Variants in TBC1D1 observed in about 807,000 individuals in gnomAD.
TBC1D1 encodes TBC1 domain family member 1.
A neutral mutation model predicts 125.6 loss-of-function variants in TBC1D1; 89 were observed. That is an observed-to-expected ratio of 0.71 (90% CI 0.60 to 0.85). The LOEUF is 0.85. TBC1D1 is among the 40% of genes least tolerant of loss of function. The pLI, the probability that TBC1D1 is intolerant of heterozygous loss-of-function variation, is 0.00. For missense variants in TBC1D1, 1,377 were observed against 1,469.2 expected, an observed-to-expected ratio of 0.94 and a Z score of 1.03; for synonymous variants, 565 against 564.1, an observed-to-expected ratio of 1.00 and a Z score of -0.02.
chr4:38,126,668 A>G (rs1036089823), intron 18 of TBC1D1, among the ~76,000 whole-genome samples: 2 of 152,176 alleles, frequency 1.3e-5, no homozygotes, highest in Non-Finnish European at 2.9e-5. Flanking sequence ...TGATGTGGAT[A>G]GCTTTGGCTT....
At chr4:37,910,081 C>CACAA (rs1478499067) in intron 2 of TBC1D1, among the ~76,000 whole-genome samples, 2 of 152,196 alleles carry the variant, frequency 1.3e-5, no homozygotes, top group East Asian at 3.8e-4. Flanking sequence ...AAGCATACAC[C>CACAA]TTGTGATAGA....
intron 12 of TBC1D1, among the ~76,000 whole-genome samples, chr4:38,079,124 G>C (rs1756108610): frequency 6.6e-6 from 1 of 152,120 alleles, no homozygotes; most frequent in Non-Finnish European, 1.5e-5. Context: ...GTTGAAAGCT[G>C]GGTTGTAATG....
intron 2 of TBC1D1, among the ~76,000 whole-genome samples, chr4:37,968,463 A>ATAGCCAG (rs1380499732): frequency 6.6e-6 from 1 of 152,250 alleles, no homozygotes; most frequent in Non-Finnish European, 1.5e-5. Flanking sequence ...GCTAACAAGA[A>ATAGCCAG]ACTACAATGT....
chr4:37,961,274 A>C, intron 2 of TBC1D1: 1 of 567,364 alleles, frequency 1.8e-6, no homozygotes. Context: ...GCAAAGGATA[A>C]AGGAGAAAAG....
At chr4:38,110,964 CAAACAGT>C (rs890289042) in intron 15 of TBC1D1, among the ~76,000 whole-genome samples, 2 of 152,212 alleles carry the variant, frequency 1.3e-5, no homozygotes, top group Non-Finnish European at 2.9e-5. Flanking sequence ...ACAAATGCAA[CAAACAGT>C]AAACAGTCTT....
At chr4:38,053,766 GT>G (rs1751163685) in intron 11 of TBC1D1, among the ~76,000 whole-genome samples, 1 of 152,238 alleles carries the variant, frequency 6.6e-6, no homozygotes, top group South Asian at 2.1e-4. Flanking sequence ...TAAATTGCAA[GT>G]TTTTTCATTT....
chr4:37,901,963 G>A (rs1302389458), intron 1 of TBC1D1, 40 bp from the exon 2 acceptor site: 3 of 889,742 alleles, frequency 3.4e-6, no homozygotes, highest in African/African-American at 1.7e-5. Context: ...CTATTGCTAT[G>A]ACTTCATTAA....
intron 2 of TBC1D1, among the ~76,000 whole-genome samples, chr4:37,984,566 A>G (rs1385095267): frequency 6.6e-6 from 1 of 152,192 alleles, no homozygotes; most frequent in Non-Finnish European, 1.5e-5. Context: ...ATGTTAGGCC[A>G]GGAGTGTTAG....
At chr4:37,901,435 G>A (rs891217013) in intron 1 of TBC1D1, among the ~76,000 whole-genome samples, 1 of 152,198 alleles carries the variant, frequency 6.6e-6, no homozygotes, top group Non-Finnish European at 1.5e-5. Context: ...GGGATTACAG[G>A]TGTGAGCCAC....
intron 15 of TBC1D1, among the ~76,000 whole-genome samples, chr4:38,104,159 C>CAA (rs71658758): frequency 0.19 from 15,747 of 83,142 alleles, 2,133 homozygotes; most frequent in Non-Finnish European, 0.22. Flanking sequence ...GACTCTGTCT[C>CAA]AAAAAAAAAA....
intron 15 of TBC1D1, among the ~76,000 whole-genome samples, chr4:38,112,282 C>T (rs1009295908): frequency 2.6e-5 from 4 of 152,190 alleles, no homozygotes; most frequent in African/African-American, 4.8e-5. Flanking sequence ...TGTCAGAAAG[C>T]GAGATTTCCC....
intron 2 of TBC1D1, among the ~76,000 whole-genome samples, chr4:37,992,860 A>AGTGAGCTGAG (rs1234578431): frequency 2.1e-5 from 3 of 143,602 alleles, no homozygotes; most frequent in African/African-American, 7.9e-5. Flanking sequence ...GCTGGAGTGC[A>AGTGAGCTGAG]GTGGCGCGAT....
intron 2 of TBC1D1, among the ~76,000 whole-genome samples, chr4:38,009,119 A>T (rs553043062): frequency 1.3e-5 from 2 of 152,324 alleles, no homozygotes; most frequent in African/African-American, 4.8e-5. Flanking sequence ...GGTTTAATTT[A>T]GTTTTTACCC....
intron 12 of TBC1D1, among the ~76,000 whole-genome samples, chr4:38,064,885 A>G (rs1225760091): frequency 6.6e-6 from 1 of 151,270 alleles, no homozygotes; most frequent in Admixed American, 6.6e-5. Flanking sequence ...GGCCTCCCAA[A>G]AAGTGCTGGG....
In TBC1D1 at chr4:38,010,678, C is replaced by T. The variant is rs1741287879; in HGVS notation, c.418-3831C>T. ...GGTACCACGCCCCATCTTCAATATC[C>T]TCAGCCCCCTATCCAGGTCACCACC... is the stretch of plus-strand genomic sequence containing the variant. On this transcript the variant is annotated intron_variant, in intron 2 of 19. Transcript: ENST00000261439. Among the ~76,000 whole-genome samples the T allele has an allele frequency of 2.0e-5, 3 of 152,224 alleles. No homozygotes were observed. The South Asian group carries it at 6.2e-4, about 31-fold the overall frequency.
At chr4:38,020,509 G>T in intron 4 of TBC1D1, 82 bp from the exon 5 acceptor site, 3 of 1,068,696 alleles carry the variant, frequency 2.8e-6, no homozygotes, top group South Asian at 1.3e-5. Flanking sequence ...AATAAATTGT[G>T]CTGTATAAAT....
intron 2 of TBC1D1, among the ~76,000 whole-genome samples, chr4:37,921,106 T>G (rs1720863913): frequency 1.3e-5 from 1 of 76,164 alleles, no homozygotes; most frequent in Non-Finnish European, 2.2e-5. Context: ...CGAGACTCCG[T>G]CTCAAAAAAA....
At chr4:37,996,492 T>C (rs572611512) in intron 2 of TBC1D1, among the ~76,000 whole-genome samples, 23 of 152,262 alleles carry the variant, frequency 1.5e-4, no homozygotes, top group African/African-American at 5.3e-4. Context: ...ACTTGGTGAG[T>C]GTAGTTGATT....
chr4:37,893,089 C>A (rs1577712390), intron 1 of TBC1D1, among the ~76,000 whole-genome samples: 1 of 152,216 alleles, frequency 6.6e-6, no homozygotes. Context: ...GTGTTCACAG[C>A]AGCATCTTCA....
Sources: gnomAD v4.1 joint callset for allele counts (sites outside exome capture counted in the v4.1 genomes callset) on GRCh38, gnomAD v4.1.1 for gene constraint, MANE v1.5 for transcripts, NCBI Gene and HGNC (gene_info 2026-07-23, HGNC 2026-07-21) for gene names.